The following STX12 variants were observed in gnomAD, a reference collection of about 807,000 sequenced individuals.
STX12 encodes syntaxin-12.
A neutral mutation model predicts 42.2 loss-of-function variants in STX12; 17 were observed. The observed-to-expected ratio is 0.40, with a 90% CI of 0.28 to 0.60. The LOEUF is 0.60. STX12 is among the 20% of genes least tolerant of loss of function. The pLI is 0.39. For synonymous variants in STX12, 108 were observed against 116.7 expected, an observed-to-expected ratio of 0.93 and a Z score of 0.48; for missense variants, 297 against 330.9, an observed-to-expected ratio of 0.90 and a Z score of 0.79.
chr1:27,813,964 G>A (rs763688954), intron 6 of STX12, among the ~76,000 whole-genome samples: 2 of 151,998 alleles, frequency 1.3e-5, no homozygotes, highest in Non-Finnish European at 1.5e-5. Flanking sequence ...GCAGTGGCGC[G>A]TTCTTGGCTC....
intron 1 of STX12, among the ~76,000 whole-genome samples, chr1:27,788,869 G>A (rs907732568): frequency 3.9e-5 from 6 of 152,034 alleles, no homozygotes; most frequent in South Asian, 2.1e-4. Flanking sequence ...AAAATTAATC[G>A]GGCGTGGTGG....
chr1:27,786,633 T>G (rs2088700993), intron 1 of STX12, among the ~76,000 whole-genome samples: 1 of 152,204 alleles, frequency 6.6e-6, no homozygotes, highest in African/African-American at 2.4e-5. Context: ...TGGAATAGTG[T>G]AGAGTAGATA....
At chr1:27,808,026 ATGATTT>A (rs1416143098) in intron 4 of STX12, among the ~76,000 whole-genome samples, 2 of 152,190 alleles carry the variant, frequency 1.3e-5, no homozygotes, top group Non-Finnish European at 2.9e-5. Context: ...ATGCAAGAAA[ATGATTT>A]TCACAAAGTC....
chr1:27,805,155 TTTG>T (rs1040469106), intron 4 of STX12, among the ~76,000 whole-genome samples: 140 of 152,268 alleles, frequency 9.2e-4, no homozygotes, highest in African/African-American at 3.2e-3. Context: ...CAAGGTGAGA[TTTG>T]GGTGGGGACA....
At chr1:27,793,720 C>T in intron 3 of STX12, 88 bp downstream of exon 3, 1 of 1,062,012 alleles carries the variant, frequency 9.4e-7, no homozygotes, top group Non-Finnish European at 1.4e-6. Flanking sequence ...AATAAGTTGG[C>T]CTTTGGTGCT....
intron 4 of STX12, among the ~76,000 whole-genome samples, chr1:27,806,650 G>C (rs1417088623): frequency 6.6e-6 from 1 of 152,154 alleles, no homozygotes; most frequent in Non-Finnish European, 1.5e-5. Context: ...GCAATTCGGT[G>C]CCACTGCCTT....
chr1:27,816,113 C>T (rs1167582731), intron 6 of STX12, among the ~76,000 whole-genome samples: 3 of 151,796 alleles, frequency 2.0e-5, no homozygotes, highest in South Asian at 4.2e-4. Flanking sequence ...GTCAGGAGTT[C>T]GAGACCAGCC....
At chr1:27,818,153 C>T (rs939568982) in intron 7 of STX12, 11 of 433,356 alleles carry the variant, frequency 2.5e-5, no homozygotes, top group African/African-American at 8.0e-5. Context: ...GAAGCCCAAG[C>T]GGGCAGATCA....
chr1:27,791,814 C>CA (rs1174674695), intron 2 of STX12, among the ~76,000 whole-genome samples: 1 of 151,098 alleles, frequency 6.6e-6, no homozygotes, highest in African/African-American at 2.4e-5. Flanking sequence ...GACTCTGTCT[C>CA]AAAAAAATAA....
intron 1 of STX12, among the ~76,000 whole-genome samples, chr1:27,778,641 A>T (rs1301196658): frequency 6.6e-6 from 1 of 151,792 alleles, no homozygotes; most frequent in Non-Finnish European, 1.5e-5. Flanking sequence ...CAGTAAACCA[A>T]GACCAAGATC....
intron 1 of STX12, among the ~76,000 whole-genome samples, chr1:27,784,554 G>T (rs1310681738): frequency 3.9e-5 from 6 of 152,108 alleles, no homozygotes; most frequent in Non-Finnish European, 8.8e-5. Context: ...GTATGCTCAA[G>T]GGCAAATAAA....
intron 1 of STX12, among the ~76,000 whole-genome samples, chr1:27,788,843 C>T (rs1322390038): frequency 1.3e-5 from 2 of 152,008 alleles, no homozygotes; most frequent in Non-Finnish European, 2.9e-5. Flanking sequence ...AAACCCGTCT[C>T]TACTAATAAT....
chr1:27,809,206 C>G (rs1050096636), intron 4 of STX12, among the ~76,000 whole-genome samples: 4 of 151,706 alleles, frequency 2.6e-5, no homozygotes, highest in Non-Finnish European at 5.9e-5. Context: ...TGGTGGCGTG[C>G]ACCTGTAGTC....
intron 4 of STX12, among the ~76,000 whole-genome samples, chr1:27,807,604 C>T (rs113269281): frequency 6.6e-5 from 10 of 152,184 alleles, no homozygotes; most frequent in African/African-American, 2.2e-4. Flanking sequence ...TTTATCTGGC[C>T]GGTGGTATAA....
chr1:27,818,569 G>A (rs1052778398), intron 7 of STX12, among the ~76,000 whole-genome samples: 4 of 151,968 alleles, frequency 2.6e-5, no homozygotes, highest in Non-Finnish European at 5.9e-5. Flanking sequence ...TTTGTTTAGA[G>A]AAATAGCTCT....
At chr1:27,795,340 C>T (rs1441532163) in intron 3 of STX12, among the ~76,000 whole-genome samples, 1 of 151,254 alleles carries the variant, frequency 6.6e-6, no homozygotes, top group Non-Finnish European at 1.5e-5. Flanking sequence ...GAGTCTTGCT[C>T]TGTCGCCCAG....
rs181182994 is a variant in STX12, at chr1:27,819,240, G to A, written c.650-410G>A. Among the ~76,000 whole-genome samples, 4 of 139,530 alleles carry A rather than the reference G, an allele frequency of 2.9e-5. No homozygotes were observed. In the East Asian group the frequency reaches 6.7e-4, roughly 23 times the overall value. The allele number at this position is 139,530 out of a possible 152,430, so 91.5% of individuals were successfully genotyped here. On this transcript the variant is annotated intron_variant, in intron 7 of 8. Coordinates refer to ENST00000373943, the MANE Select transcript of STX12 (RefSeq NM_177424.3). Reference sequence around the variant, plus strand: ...ACTATTATTGTACCACTGCACTCCAGTCTAGGTGACAGAGTGAGATCCCGT... The same window carrying A: ...ACTATTATTGTACCACTGCACTCCAATCTAGGTGACAGAGTGAGATCCCGT...
intron 6 of STX12, among the ~76,000 whole-genome samples, chr1:27,816,481 A>G (rs2088942529): frequency 6.6e-6 from 1 of 151,444 alleles, no homozygotes; most frequent in Admixed American, 6.6e-5. Flanking sequence ...CTCAAAAAAA[A>G]CAAGTAATAA....
chr1:27,783,248 TC>T (rs1166053246), intron 1 of STX12, among the ~76,000 whole-genome samples: 1 of 152,236 alleles, frequency 6.6e-6, no homozygotes, highest in African/African-American at 2.4e-5. Context: ...TGCTTCATAC[TC>T]TTTTAAAAGT....
Sources: allele counts gnomAD v4.1 joint callset (sites outside exome capture counted in the v4.1 genomes callset), GRCh38; gene constraint gnomAD v4.1.1; transcripts MANE v1.5; gene names NCBI Gene and HGNC (gene_info 2026-07-23, HGNC 2026-07-21).